Variants in IDE observed in about 807,000 individuals in gnomAD.
IDE encodes insulin-degrading enzyme.
A neutral mutation model predicts 133.2 loss-of-function variants in IDE; 58 were observed. The observed-to-expected ratio is 0.44, with a 90% CI of 0.35 to 0.54. The LOEUF is 0.54. IDE is among the 20% of genes least tolerant of loss of function. IDE has a pLI of 0.00. For missense variants in IDE, 981 were observed against 1,234.0 expected (o/e 0.79, Z 3.07); for synonymous variants, 396 against 421.3 (o/e 0.94, Z 0.73).
chr10:92,573,180 G>A lies in IDE; in HGVS notation c.98+742C>T, dbSNP rs1054059307. On this transcript the variant is annotated intron_variant, in intron 1 of 24. Transcript: ENST00000265986. ...AACGCCTAGCGTACGCAGATCAACG[G>A]TGCAGTGGAGAGGGCACGCCGCCGG... 4.1e-6 allele frequency: 4 copies of A among 985,310 alleles called. No homozygotes were observed. The African/African-American group carries it at 5.2e-5, about 13-fold the overall frequency. 61.0% of individuals were successfully genotyped at this position (985,310 alleles called of 1,614,324 possible).
intron 1 of IDE, among the ~76,000 whole-genome samples, chr10:92,540,058 A>G (rs560757646): frequency 5.9e-5 from 9 of 152,222 alleles, no homozygotes; most frequent in Non-Finnish European, 1.0e-4. Flanking sequence ...CCTGGTCAAT[A>G]TGGTGAAACC....
At chr10:92,551,804 G>A (rs922323537) in intron 1 of IDE, among the ~76,000 whole-genome samples, 2 of 151,742 alleles carry the variant, frequency 1.3e-5, no homozygotes, top group Non-Finnish European at 2.9e-5. Flanking sequence ...ACACAACAAC[G>A]TGGATGTATT....
rs750449048 is a variant in IDE at position 92,508,829 on chromosome 10, G to A, written c.959C>T (p.Pro320Leu). 6.2e-7 allele frequency: 1 copy of A among 1,612,582 alleles called. No individual in the cohort carries two copies. The highest frequency in any genetic ancestry group is 8.5e-7 in the Non-Finnish European group (1 of 1,178,570). Residue 320 changes from proline to leucine, a missense_variant, in exon 7 of 25, where the codon CCT (proline) becomes CTT (leucine). Physicochemically the swap from Pro to Leu is moderately conservative, Grantham distance 98. This residue lies in a region of IDE where 660 missense variants were observed against 894.7 expected (regional missense o/e 0.74). Transcript: ENST00000265986. ...IRNLYVTFPIPDLQKYYKSNP... is the reference protein window; with the variant it reads ...IRNLYVTFPILDLQKYYKSNP... ...TGATTTGTAGTATTTCTGAAGGTCA[G>A]GTATGGGAAATGTCACATAGAGATT...
chr10:92,476,232 G>C (rs531394670), intron 15 of IDE, among the ~76,000 whole-genome samples: 6 of 150,876 alleles, frequency 4.0e-5, no homozygotes, highest in Admixed American at 2.6e-4. Flanking sequence ...GGAGTGCAAC[G>C]GCACGATTTC....
chr10:92,544,673 A>T (rs909611889), intron 1 of IDE, among the ~76,000 whole-genome samples: 1 of 152,208 alleles, frequency 6.6e-6, no homozygotes, highest in African/African-American at 2.4e-5. Flanking sequence ...AAAAGCCAGG[A>T]AACAAAAATT....
intron 1 of IDE, among the ~76,000 whole-genome samples, chr10:92,568,356 T>C (rs1288924711): frequency 6.6e-6 from 1 of 152,144 alleles, no homozygotes; most frequent in Non-Finnish European, 1.5e-5. Context: ...TCTTTATGAA[T>C]GATGTTAAAT....
intron 21 of IDE, among the ~76,000 whole-genome samples, chr10:92,463,183 A>G (rs1439432088): frequency 2.0e-5 from 3 of 152,258 alleles, no homozygotes; most frequent in Non-Finnish European, 1.5e-5. Context: ...TCTGACTTCT[A>G]GTACAGCTTA....
chr10:92,535,995 C>A (rs1346872657), intron 2 of IDE, among the ~76,000 whole-genome samples: 2 of 151,620 alleles, frequency 1.3e-5, no homozygotes, highest in East Asian at 3.9e-4. Context: ...GAGATTGCGC[C>A]ACTGCACTCC....
intron 24 of IDE, among the ~76,000 whole-genome samples, chr10:92,455,345 G>A (rs571139302): frequency 1.5e-4 from 23 of 152,176 alleles, no homozygotes; most frequent in South Asian, 6.2e-4. Flanking sequence ...GCATGGTGGC[G>A]TGTGCCTGTA....
intron 1 of IDE, among the ~76,000 whole-genome samples, chr10:92,553,579 G>T (rs1842887699): frequency 6.6e-6 from 1 of 151,952 alleles, no homozygotes; most frequent in African/African-American, 2.4e-5. Context: ...TAACCTTGAT[G>T]AATATAGACA....
Position 92,463,780 on chromosome 10 carries a change from A to G in IDE, c.2712T>C (p.Cys904=). ...LDKPKKLSAE[C]AKYWGEIISQ... is the part of the protein sequence containing the mutation. ...AGATGATTTCTCCCCAGTATTTAGCACACTCAGCAGATAGCTTCTTTGGTT... is the reference window on the plus strand; with the variant it reads ...AGATGATTTCTCCCCAGTATTTAGCGCACTCAGCAGATAGCTTCTTTGGTT... The change falls in exon 21 of 25, where the codon TGT becomes TGC. Residue 904 remains cysteine, a synonymous_variant. Coordinates refer to ENST00000265986, the MANE Select transcript of IDE (RefSeq NM_004969.4). 6.2e-7 allele frequency: 1 copy of G among 1,614,182 alleles called. No homozygotes were observed. The highest frequency in any genetic ancestry group is 8.5e-7 in the Non-Finnish European group (1 of 1,179,990).
intron 8 of IDE, 111 bp downstream of exon 8, chr10:92,508,002 A>T: frequency 1.3e-6 from 1 of 784,982 alleles, no homozygotes; most frequent in Non-Finnish European, 2.1e-6. Flanking sequence ...AGTTGTATGA[A>T]TTAAAGTGTT....
At chr10:92,508,090 T>TA in intron 8 of IDE, 23 bp downstream of exon 8, 1 of 1,520,566 alleles carries the variant, frequency 6.6e-7, no homozygotes, top group Non-Finnish European at 9.1e-7. Context: ...CATTCAAAAG[T>TA]AAAAAGGTGA....
In IDE at chr10:92,474,092, C is replaced by G. The variant is rs1420503527; in HGVS notation, c.2116+749G>C. Among the ~76,000 whole-genome samples, 3 of 152,206 alleles carry G rather than the reference C, an allele frequency of 2.0e-5. No homozygotes were observed. The East Asian group carries it at 5.8e-4, about 29-fold the overall frequency. On this transcript the variant is annotated intron_variant, in intron 17 of 24. Transcript: ENST00000265986. The stretch of plus-strand genomic sequence containing the variant: ...TTTTTTTTGGAGGCAGAGACAGAGT[C>G]TTGCTCTGTCATCCAAGCTGGAGCA...
At chr10:92,456,304 G>T in intron 23 of IDE, 55 bp downstream of exon 23, 1 of 1,249,826 alleles carries the variant, frequency 8.0e-7, no homozygotes, top group Non-Finnish European at 1.2e-6. Context: ...CTATGACAAA[G>T]GCCAACCATC....
At chr10:92,466,165 A>C (rs1845670526) in intron 19 of IDE, among the ~76,000 whole-genome samples, 1 of 141,432 alleles carries the variant, frequency 7.1e-6, no homozygotes. Flanking sequence ...CAGGAGTTTG[A>C]GGCTGCAGTG....
chr10:92,531,961 AAAAC>A (rs773037486), intron 3 of IDE, 44 bp from the exon 4 acceptor site: 123 of 1,334,706 alleles, frequency 9.2e-5, no homozygotes, highest in African/African-American at 9.2e-4. Context: ...ATGTCATTTT[AAAAC>A]AATAGCCTTT....
chr10:92,482,710 C>T (rs1799535738), intron 14 of IDE, among the ~76,000 whole-genome samples: 1 of 151,504 alleles, frequency 6.6e-6, no homozygotes, highest in South Asian at 2.1e-4. Flanking sequence ...ATCATTTCAG[C>T]TAAAGGGCAT....
At chr10:92,510,849 GATATATATCAC>G (rs1207254378) in intron 5 of IDE, among the ~76,000 whole-genome samples, 18 of 150,012 alleles carry the variant, frequency 1.2e-4, no homozygotes, top group East Asian at 3.9e-4. Context: ...TCACACATAT[GATATATATCAC>G]ATATATATCA....
Sources: allele counts gnomAD v4.1 joint callset (sites outside exome capture counted in the v4.1 genomes callset), GRCh38; gene constraint gnomAD v4.1.1; regional missense constraint gnomAD v4.1.1; transcripts MANE v1.5; gene names NCBI Gene and HGNC (gene_info 2026-07-23, HGNC 2026-07-21).